Variants in FRMD6 observed in about 807,000 individuals in gnomAD.
FRMD6 encodes the protein FERM domain-containing protein 6.
A neutral mutation model predicts 73.2 loss-of-function variants in FRMD6; 37 were observed. The ratio of observed to expected loss-of-function variants is 0.51; its 90% confidence interval spans 0.39 to 0.66. FRMD6 has a LOEUF of 0.66. Among genes scored for constraint, FRMD6 ranks in the 30% least tolerant of loss-of-function variants. The pLI is 0.00. For missense variants in FRMD6, 714 were observed against 780.5 expected, an observed-to-expected ratio of 0.91 and a Z score of 1.02; for synonymous variants, 273 against 282.2, an observed-to-expected ratio of 0.97 and a Z score of 0.33.
At chr14:51,680,733 T>G (rs1377523694) in intron 1 of FRMD6, among the ~76,000 whole-genome samples, 3 of 150,692 alleles carry the variant, frequency 2.0e-5, no homozygotes, top group Non-Finnish European at 4.4e-5. Flanking sequence ...GGGGATGATG[T>G]GCTCAATAAA....
chr14:51,702,886 A>G (rs771511985), intron 5 of FRMD6, among the ~76,000 whole-genome samples: 3 of 152,004 alleles, frequency 2.0e-5, no homozygotes, highest in Non-Finnish European at 2.9e-5. Flanking sequence ...TTCATAACCA[A>G]ATCAGTCTCC....
intron 2 of FRMD6, among the ~76,000 whole-genome samples, chr14:51,696,937 T>G (rs1244531606): frequency 1.3e-5 from 2 of 152,100 alleles, no homozygotes; most frequent in Admixed American, 1.3e-4. Flanking sequence ...GAAAAAATGC[T>G]CGGCATCACT....
intron 1 of FRMD6, among the ~76,000 whole-genome samples, chr14:51,677,817 T>C (rs1049768743): frequency 6.6e-6 from 1 of 152,146 alleles, no homozygotes; most frequent in African/African-American, 2.4e-5. Context: ...CCCTGTTCAG[T>C]GCTGAAGGAC....
At chr14:51,450,983 T>A in the FRMD6 span, among the ~76,000 whole-genome samples, 1 of 152,208 alleles carries the variant, frequency 6.6e-6, no homozygotes, top group Admixed American at 6.5e-5. Flanking sequence ...CTAACCCACC[T>A]GCAGAGTGGG....
chr14:51,487,820 C>T (rs1464276521), upstream of FRMD6, among the ~76,000 whole-genome samples: 1 of 152,106 alleles, frequency 6.6e-6, no homozygotes, highest in African/African-American at 2.4e-5. Flanking sequence ...AGAAATCCCC[C>T]CACTGATACT....
At chr14:51,476,622 T>C in the FRMD6 span, among the ~76,000 whole-genome samples, 1 of 152,156 alleles carries the variant, frequency 6.6e-6, no homozygotes, top group Non-Finnish European at 1.5e-5. Flanking sequence ...AGGGGACCTA[T>C]AAAAAGAATA....
chr14:51,667,903 G>A (rs562347247), intron 1 of FRMD6, among the ~76,000 whole-genome samples: 1 of 152,266 alleles, frequency 6.6e-6, no homozygotes, highest in Admixed American at 6.5e-5. Context: ...CTAATGGTTT[G>A]TAATTGACTA....
chr14:51,534,020 A>G (rs947888334), intron 1 of FRMD6, among the ~76,000 whole-genome samples: 11 of 152,212 alleles, frequency 7.2e-5, no homozygotes, highest in Admixed American at 2.0e-4. Context: ...GACCTAATTC[A>G]CAGCCTTGGG....
chr14:51,641,025 C>T (rs1288707319), intron 2 of FRMD6, among the ~76,000 whole-genome samples: 1 of 151,818 alleles, frequency 6.6e-6, no homozygotes, highest in African/African-American at 2.4e-5. Flanking sequence ...GGCTGGAGTA[C>T]AGTGGCACGA....
chr14:51,711,423 TTTTCAGTCC>T, intron 7 of FRMD6, 99 bp from the exon 8 acceptor site: 1 of 654,122 alleles, frequency 1.5e-6, no homozygotes, highest in Non-Finnish European at 2.5e-6. Context: ...AGTCAAAAAC[TTTTCAGTCC>T]TGAATTTCAA....
At chr14:51,462,060 G>GA in the FRMD6 span, among the ~76,000 whole-genome samples, 1 of 150,054 alleles carries the variant, frequency 6.7e-6, no homozygotes, top group African/African-American at 2.5e-5. Flanking sequence ...AGGAAGGAAA[G>GA]AAAGAAGGAA....
At chr14:51,438,273 A>G in the FRMD6 span, among the ~76,000 whole-genome samples, 1 of 152,244 alleles carries the variant, frequency 6.6e-6, no homozygotes, top group African/African-American at 2.4e-5. Flanking sequence ...TGGGAGAATC[A>G]GCAGAACCTG....
chr14:51,549,325 T>A (rs1193375315), intron 1 of FRMD6, among the ~76,000 whole-genome samples: 1 of 152,192 alleles, frequency 6.6e-6, no homozygotes, highest in Non-Finnish European at 1.5e-5. Context: ...ATTTTTTGTG[T>A]TATTCCATAG....
At chr14:51,570,597 C>T (rs1438015526) in intron 2 of FRMD6, among the ~76,000 whole-genome samples, 1 of 152,116 alleles carries the variant, frequency 6.6e-6, no homozygotes, top group Non-Finnish European at 1.5e-5. Flanking sequence ...AATGTGGTTC[C>T]CAGACCAGCA....
the FRMD6 span, among the ~76,000 whole-genome samples, chr14:51,399,664 A>G: frequency 0.019 from 2,827 of 152,312 alleles, 98 homozygotes; most frequent in African/African-American, 0.065. Context: ...AATTTAGTTA[A>G]ATTATTGATA....
At chr14:51,462,784 AAG>A in the FRMD6 span, among the ~76,000 whole-genome samples, 247 of 148,340 alleles carry the variant, frequency 1.7e-3, no homozygotes, top group Non-Finnish European at 1.7e-3. Flanking sequence ...ATAAGGGAGG[AAG>A]AGAGAGAGAG....
chr14:51,638,928 A>G (rs1391114060), intron 2 of FRMD6, among the ~76,000 whole-genome samples: 1 of 152,096 alleles, frequency 6.6e-6, no homozygotes, highest in Non-Finnish European at 1.5e-5. Flanking sequence ...TTCCATATAC[A>G]TATCTAAGTT....
chr14:51,567,242 C>T (rs1011511991), intron 1 of FRMD6, among the ~76,000 whole-genome samples: 3 of 152,192 alleles, frequency 2.0e-5, no homozygotes, highest in Admixed American at 6.5e-5. Context: ...TGGCAACTAA[C>T]TCAAATTTGT....
chr14:51,552,672 A>C (rs1886907599), intron 1 of FRMD6, among the ~76,000 whole-genome samples: 1 of 152,224 alleles, frequency 6.6e-6, no homozygotes, highest in Non-Finnish European at 1.5e-5. Flanking sequence ...AACTTGAAAA[A>C]TTATGTGAAA....
Sources: gnomAD v4.1 joint callset for allele counts (sites outside exome capture counted in the v4.1 genomes callset) on GRCh38, gnomAD v4.1.1 for gene constraint, MANE v1.5 for transcripts, NCBI Gene and HGNC (gene_info 2026-07-23, HGNC 2026-07-21) for gene names.